The following NCS1 variants were observed in gnomAD, a reference collection of about 807,000 sequenced individuals.
The protein encoded by NCS1 is frequenin homolog.
NCS1 carries 6 observed loss-of-function variants against 28.4 expected under a neutral mutation model. The ratio of observed to expected loss-of-function variants is 0.21; its 90% CI spans 0.12 to 0.42. The LOEUF is 0.42. Ranked by LOEUF, NCS1 falls within the 10% of genes least tolerant of loss-of-function variation. The pLI, the probability that NCS1 is intolerant of heterozygous loss-of-function variation, is 1.00. For synonymous variants in NCS1, 86 were observed against 99.3 expected, an observed-to-expected ratio of 0.87 and a Z score of 0.79; for missense variants, 131 against 241.4, an observed-to-expected ratio of 0.54 and a Z score of 3.03.
At chr9:130,203,138 T>TA (rs1564708297) in intron 2 of NCS1, among the ~76,000 whole-genome samples, 374 of 61,402 alleles carry the variant, frequency 6.1e-3, no homozygotes, top group Middle Eastern at 0.014. Flanking sequence ...ATATATATAT[T>TA]TTTTTTTTTT....
At chr9:130,208,847 G>A (rs1833068690) in intron 2 of NCS1, among the ~76,000 whole-genome samples, 1 of 152,130 alleles carries the variant, frequency 6.6e-6, no homozygotes, top group South Asian at 2.1e-4. Context: ...GCTCAGAAGG[G>A]TGGAGACCCT....
intron 1 of NCS1, among the ~76,000 whole-genome samples, chr9:130,178,259 G>GT (rs1832602770): frequency 1.3e-5 from 2 of 152,202 alleles, no homozygotes; most frequent in Admixed American, 6.5e-5. Flanking sequence ...CCACCCCCTT[G>GT]TACAGAGAGG....
chr9:130,204,972 G>T (rs1833005428), intron 2 of NCS1, among the ~76,000 whole-genome samples: 1 of 152,014 alleles, frequency 6.6e-6, no homozygotes, highest in South Asian at 2.1e-4. Context: ...CCCACACCCT[G>T]GGGAGACACC....
chr9:130,210,996 G>A (rs557042511), intron 2 of NCS1, among the ~76,000 whole-genome samples: 1 of 139,966 alleles, frequency 7.1e-6, no homozygotes, highest in South Asian at 2.3e-4. Flanking sequence ...AAGCCACTGT[G>A]CCCGGCTCCA....
chr9:130,206,403 C>CTTTT (rs71387330), intron 2 of NCS1, among the ~76,000 whole-genome samples: 1 of 116,516 alleles, frequency 8.6e-6, no homozygotes, highest in African/African-American at 3.3e-5. Context: ...TTCTTTCTTT[C>CTTTT]TTTTTTTTTT....
intron 1 of NCS1, among the ~76,000 whole-genome samples, chr9:130,196,470 G>A (rs1435400283): frequency 5.9e-5 from 9 of 152,322 alleles, no homozygotes; most frequent in East Asian, 1.9e-4. Flanking sequence ...TGGGCGCGGC[G>A]TCTCACGCCT....
intron 1 of NCS1, among the ~76,000 whole-genome samples, chr9:130,197,417 G>A (rs1327247012): frequency 6.6e-6 from 1 of 152,158 alleles, no homozygotes; most frequent in African/African-American, 2.4e-5. Flanking sequence ...TGAGCTTCTG[G>A]GAACCCAGAC....
chr9:130,206,371 A>C (rs1464789695), intron 2 of NCS1, among the ~76,000 whole-genome samples: 6 of 145,712 alleles, frequency 4.1e-5, no homozygotes, highest in Non-Finnish European at 9.0e-5. Context: ...TCCAGCTGGC[A>C]CCCATTCTTG....
chr9:130,179,994 TTTA>T (rs1832630351), intron 1 of NCS1, among the ~76,000 whole-genome samples: 4 of 130,120 alleles, frequency 3.1e-5, no homozygotes, highest in Non-Finnish European at 6.4e-5. Context: ...TTGCCTTCTT[TTTA>T]TCTATCTATC....
At chr9:130,190,616 C>T (rs1048888007) in intron 1 of NCS1, among the ~76,000 whole-genome samples, 1 of 152,222 alleles carries the variant, frequency 6.6e-6, no homozygotes, top group African/African-American at 2.4e-5. Flanking sequence ...CCAGCACCAA[C>T]GGCACTTTGT....
At chr9:130,208,209 C>T (rs909052132) in intron 2 of NCS1, among the ~76,000 whole-genome samples, 3 of 106,340 alleles carry the variant, frequency 2.8e-5, no homozygotes, top group Admixed American at 1.5e-4. Flanking sequence ...TGAGGCTGGT[C>T]GTGGGTGTGT....
intron 1 of NCS1, among the ~76,000 whole-genome samples, chr9:130,188,484 T>TCGATCTCGGCA (rs138446994): frequency 2.0e-5 from 3 of 149,298 alleles, no homozygotes; most frequent in Admixed American, 6.7e-5. Context: ...GTGCAATGGC[T>TCGATCTCGGCA]CGATCTCGGC....
intron 4 of NCS1, among the ~76,000 whole-genome samples, chr9:130,221,769 T>C (rs1409316399): frequency 2.2e-5 from 3 of 135,478 alleles, no homozygotes; most frequent in African/African-American, 5.4e-5. Flanking sequence ...AATATATATA[T>C]ACACATAAAT....
chr9:130,221,025 ATTTG>A (rs1476399846), intron 4 of NCS1, among the ~76,000 whole-genome samples: 14 of 151,328 alleles, frequency 9.3e-5, no homozygotes, highest in African/African-American at 3.4e-4. Context: ...CCTTTATTTT[ATTTG>A]TTTATTTATT....
In NCS1 at chr9:130,191,838, G is replaced by A. The variant is rs1339328802; in HGVS notation, c.65-9120G>A. Among the ~76,000 whole-genome samples the A allele has an allele frequency of 6.6e-6, 1 of 152,214 alleles. No homozygotes were observed. The highest frequency in any genetic ancestry group is 6.5e-5 in the Admixed American group (1 of 15,288). On this transcript the variant is annotated intron_variant, in intron 1 of 7. Coordinates refer to ENST00000372398, the MANE Select transcript of NCS1 (RefSeq NM_014286.4). The surrounding 1 kb of genome is among the most constrained non-coding windows in gnomAD (Gnocchi z 6.4). ...CCGCCCACCTTTCCTGCCAGCCGCT[G>A]TGTGCCCCAGCCCAGTGCTGGACCA...
At position 130,175,688 on chromosome 9, in the gene NCS1, T is replaced by C. The variant is rs1428080049; in HGVS notation, c.64+2961T>C. 6.6e-6 allele frequency among the ~76,000 whole-genome samples: 1 copy of C among 152,162 alleles called. No homozygotes were observed. Among genetic ancestry groups the C allele is most frequent in the East Asian group, 1.9e-4 (1 of 5,198 alleles). On this transcript the variant is annotated intron_variant, in intron 1 of 7. Transcript: ENST00000372398. The surrounding 1 kb of genome is among the most constrained non-coding windows in gnomAD (Gnocchi z 4.9). The stretch of plus-strand genomic sequence containing the variant: ...GGCTCTGTCTGTGGTGGTCTGTGTG[T>C]GTGAGGAAGCAGGAGTGTCTAAAGG...
intron 1 of NCS1, among the ~76,000 whole-genome samples, chr9:130,173,256 G>T (rs527412348): frequency 9.6e-4 from 146 of 151,904 alleles, no homozygotes; most frequent in African/African-American, 3.5e-3. Context: ...CGGCGGTGAA[G>T]GGTCCCCGGC....
In NCS1 at chr9:130,198,238, T is replaced by A. The variant is rs149176271; in HGVS notation, c.65-2720T>A. 7.5e-4 allele frequency among the ~76,000 whole-genome samples: 114 copies of A among 152,202 alleles called. 1 individual carries two copies. The highest frequency in any genetic ancestry group is 2.6e-3 in the African/African-American group (108 of 41,538). On this transcript the variant is annotated intron_variant, in intron 1 of 7. Transcript: ENST00000372398. ...GCCCTTCTCCCACCTCCCTGCTGCA[T>A]CCTTGGAGTGTAGTTGGGGGTGAGG...
rs782730447 is a variant in NCS1 at position 130,217,997 on chromosome 9, G to A, written c.228+27G>A. ...TGAGCTGGGGATTGATGGGGCCTGC[G>A]GCAGCTGGCTCAGCTCCTGTGGGTA... On this transcript the variant is annotated intron_variant, in intron 3 of 7. Coordinates refer to ENST00000372398, the MANE Select transcript of NCS1 (RefSeq NM_014286.4). The A allele has an allele frequency of 1.1e-5, 18 of 1,613,680 alleles. 1 individual carries two copies. Among genetic ancestry groups the A allele is most frequent in the Non-Finnish European group, 1.4e-5 (16 of 1,179,992 alleles).
Sources: gnomAD v4.1 joint callset for allele counts (sites outside exome capture counted in the v4.1 genomes callset) on GRCh38, gnomAD v4.1.1 for gene constraint, Gnocchi (gnomAD v3.1) non-coding constraint, MANE v1.5 for transcripts, NCBI Gene and HGNC (gene_info 2026-07-23, HGNC 2026-07-21) for gene names.